Variants in FOXRED2 observed in about 807,000 individuals in gnomAD.
FOXRED2 encodes the protein FAD-dependent oxidoreductase domain-containing protein 2.
A neutral mutation model predicts 52.5 loss-of-function variants in FOXRED2; 32 were observed. That is an observed-to-expected ratio of 0.61 (90% CI 0.46 to 0.82). The LOEUF is 0.82. Ranked by LOEUF, FOXRED2 falls within the 40% of genes least tolerant of loss-of-function variation. FOXRED2 has a pLI of 0.00. For synonymous variants in FOXRED2, 405 were observed against 398.1 expected (o/e 1.02, Z -0.21); for missense variants, 848 against 937.5 (o/e 0.90, Z 1.25).
chr22:36,505,093 A>C (rs912781488), intron 2 of FOXRED2, among the ~76,000 whole-genome samples: 1 of 152,184 alleles, frequency 6.6e-6, no homozygotes, highest in African/African-American at 2.4e-5. Context: ...TAGCAGTCAG[A>C]CCAGGTATGA....
rs570867985 is a variant in FOXRED2 at position 36,501,389 on chromosome 22, C to T, written c.1068G>A (p.Ser356=). ...GGTACTTCTTGCCGAATGCATTTCC[C>T]GAGTTAAGTCTGAGGGACCTGTCAG... ...SIFNKSLRLN[S]GNAFGKKYPL... is the part of the protein sequence containing the mutation. Residue 356 remains serine, a synonymous_variant, in exon 5 of 9, where the codon TCG becomes TCA. Coordinates refer to ENST00000397224, the MANE Select transcript of FOXRED2 (RefSeq NM_001102371.2). 4.8e-5 allele frequency: 78 copies of T among 1,614,050 alleles called. No individual in the cohort carries two copies. In the Admixed American group the frequency reaches 7.3e-4, roughly 15 times the overall value.
intron 4 of FOXRED2, among the ~76,000 whole-genome samples, chr22:36,502,366 C>T (rs1034463048): frequency 3.9e-5 from 6 of 152,146 alleles, no homozygotes; most frequent in South Asian, 2.1e-4. Flanking sequence ...CCGAGGTAGT[C>T]GGCAGCAATG....
intron 7 of FOXRED2, 119 bp from the exon 8 acceptor site, chr22:36,493,922 T>C (rs566814093): frequency 3.6e-6 from 3 of 835,242 alleles, no homozygotes; most frequent in African/African-American, 3.4e-5. Flanking sequence ...CGTGCTCGGC[T>C]TTCCCGACAG....
At chr22:36,505,804 C>A in intron 2 of FOXRED2, 92 bp downstream of exon 2, 1 of 1,326,944 alleles carries the variant, frequency 7.5e-7, no homozygotes, top group Non-Finnish European at 1.0e-6. Context: ...CCTTTTTCGT[C>A]CATTCCTCCC....
chr22:36,506,468 C>A (rs1385300435), intron 1 of FOXRED2, 45 bp from the exon 2 acceptor site: 1 of 1,412,026 alleles, frequency 7.1e-7, no homozygotes. Context: ...GGCCCGGCGG[C>A]TGGGAGACAC....
Position 36,489,850 on chromosome 22 carries a change from C to T in FOXRED2, c.*158G>A, listed in dbSNP as rs551341521. On this transcript the variant is annotated 3_prime_UTR_variant, in exon 9 of 9. Coordinates refer to ENST00000397224, the MANE Select transcript of FOXRED2 (RefSeq NM_001102371.2). ...CCGCATCCCCGACTTTCAGCCCTCACGTGCCATCTGGTGGCTTTGCTGCAG... is the reference window on the plus strand; with the variant it reads ...CCGCATCCCCGACTTTCAGCCCTCATGTGCCATCTGGTGGCTTTGCTGCAG... 11 of 683,424 alleles carry T rather than the reference C, an allele frequency of 1.6e-5. No homozygotes were observed. Among genetic ancestry groups the T allele is most frequent in the African/African-American group, 7.4e-5 (4 of 54,218 alleles). The allele number at this position is 683,424 out of a possible 1,614,324, so 42.3% of individuals were successfully genotyped here.
Position 36,501,224 on chromosome 22 carries a change from T to A in FOXRED2, c.1216+17A>T. ...GGTTCCGTCTGGGGACAGTTCTGCC[T>A]TCTCAGCTGGGCTCACCTGTGTATC... On this transcript the variant is annotated intron_variant, in intron 5 of 8. Coordinates refer to ENST00000397224, the MANE Select transcript of FOXRED2 (RefSeq NM_001102371.2). 1 of 1,613,222 alleles carries A rather than the reference T, an allele frequency of 6.2e-7. No homozygotes were observed. Among genetic ancestry groups the A allele is most frequent in the Non-Finnish European group, 8.5e-7 (1 of 1,179,714 alleles).
rs1568988338 is a variant in FOXRED2, at chr22:36,496,082, G to A, written c.1509C>T (p.Phe503=). 2 of 1,614,248 alleles carry A rather than the reference G, an allele frequency of 1.2e-6. No individual in the cohort carries two copies. The highest frequency in any genetic ancestry group is 2.2e-5 in the East Asian group (1 of 44,894). ...AGAAGACGTCCTTGTCGGGGCCAGA[G>A]AAATTTCTGCCATATTCCATGTTGA... The part of the protein sequence containing the change: ...FVINMEYGRN[F]SGPDKDVFFD... The change falls in exon 7 of 9, where the codon TTC becomes TTT. Residue 503 remains phenylalanine (F), a synonymous_variant. Transcript: ENST00000397224.
chr22:36,492,603 T>C (rs979942205), intron 8 of FOXRED2, among the ~76,000 whole-genome samples: 4 of 152,028 alleles, frequency 2.6e-5, no homozygotes, highest in African/African-American at 2.4e-5. Context: ...ACATCCGCCT[T>C]CCGGGTTCAA....
chr22:36,489,919 G>A lies in FOXRED2; in HGVS notation c.*89C>T, dbSNP rs1334823566. The A allele has an allele frequency of 6.8e-6, 9 of 1,327,352 alleles. No individual in the cohort carries two copies. Among genetic ancestry groups the A allele is most frequent in the Middle Eastern group, 3.9e-4 (2 of 5,160 alleles). The allele number at this position is 1,327,352 out of a possible 1,614,324, so 82.2% of individuals were successfully genotyped here. A position where few individuals can be genotyped will look rare whatever the true frequency, so the allele number is the denominator to read the frequency against. Reference sequence around the variant, plus strand: ...TGGTCTTTGGCAATCACGCATTGGCGGGAGTGTGAGGTTGCGGGGAAAGAG... The same window carrying A: ...TGGTCTTTGGCAATCACGCATTGGCAGGAGTGTGAGGTTGCGGGGAAAGAG... On this transcript the variant is annotated 3_prime_UTR_variant, in exon 9 of 9. Transcript: ENST00000397224.
chr22:36,503,170 G>A (rs1603496148), intron 4 of FOXRED2, among the ~76,000 whole-genome samples: 1 of 151,598 alleles, frequency 6.6e-6, no homozygotes, highest in African/African-American at 2.4e-5. Context: ...TGTATTTTTT[G>A]TAGAGGTGGG....
At chr22:36,503,970 T>G in intron 4 of FOXRED2, 128 bp downstream of exon 4, 1 of 1,050,616 alleles carries the variant, frequency 9.5e-7, no homozygotes, top group South Asian at 1.5e-5. Flanking sequence ...CAGGCAGCAC[T>G]CACATCCATT....
chr22:36,494,759 C>T (rs1414355419), intron 7 of FOXRED2, among the ~76,000 whole-genome samples: 2 of 151,888 alleles, frequency 1.3e-5, no homozygotes, highest in East Asian at 1.9e-4. Flanking sequence ...CCTGCCTCAG[C>T]CTCCCTAGTA....
intron 2 of FOXRED2, among the ~76,000 whole-genome samples, 166 bp from the exon 3 acceptor site, chr22:36,504,932 G>A (rs984970162): frequency 6.6e-6 from 1 of 151,996 alleles, no homozygotes; most frequent in Non-Finnish European, 1.5e-5. Flanking sequence ...ATCTGTTTAC[G>A]CCCTCATCCC....
At chr22:36,506,740 G>C in intron 1 of FOXRED2, 1 of 310,884 alleles carries the variant, frequency 3.2e-6, no homozygotes, top group Non-Finnish European at 5.9e-6. Flanking sequence ...TAATTTGAGG[G>C]TGCCCAACAC....
intron 8 of FOXRED2, among the ~76,000 whole-genome samples, chr22:36,491,914 C>T (rs1933766750): frequency 6.6e-6 from 1 of 152,080 alleles, no homozygotes; most frequent in South Asian, 2.1e-4. Flanking sequence ...GAGTTAGAGA[C>T]AAGGGCAGAC....
chr22:36,493,326 C>T (rs9610519), intron 8 of FOXRED2, among the ~76,000 whole-genome samples: 1 of 151,942 alleles, frequency 6.6e-6, no homozygotes. Context: ...GTAGTCCCAG[C>T]TTCTTGGGAG....
rs1192277059 is a variant in FOXRED2 at position 36,488,562 on chromosome 22, T to C, written c.*1446A>G. 6.6e-6 allele frequency: 1 copy of C among 151,670 alleles called. No individual in the cohort carries two copies. The highest frequency in any genetic ancestry group is 2.4e-5 in the African/African-American group (1 of 41,266). 9.4% of individuals were successfully genotyped at this position (151,670 alleles called of 1,614,324 possible). ...GGTGTAAGCAACTGTACCCAGCGCA[T>C]GTTTTATTTTAATTTAATTTAATTA... On this transcript the variant is annotated 3_prime_UTR_variant, in exon 9 of 9. Coordinates refer to ENST00000397224, the MANE Select transcript of FOXRED2 (RefSeq NM_001102371.2).
chr22:36,493,035 G>A (rs950062413), intron 8 of FOXRED2, among the ~76,000 whole-genome samples: 4 of 152,198 alleles, frequency 2.6e-5, no homozygotes, highest in African/African-American at 9.6e-5. Context: ...TGAGATCCAA[G>A]CTTTATTGGA....
Sources: gnomAD v4.1 joint callset for allele counts (sites outside exome capture counted in the v4.1 genomes callset) on GRCh38, gnomAD v4.1.1 for gene constraint, MANE v1.5 for transcripts, NCBI Gene and HGNC (gene_info 2026-07-23, HGNC 2026-07-21) for gene names.